Variants in NUB1 observed in about 807,000 individuals in gnomAD.
NUB1 encodes NEDD8 ultimate buster 1.
In NUB1, 41 loss-of-function variants were observed where a neutral mutation model predicts 77.1. That is an observed-to-expected ratio of 0.53 (90% CI 0.41 to 0.69). The LOEUF is 0.69. Ranked by LOEUF, NUB1 falls within the 30% of genes least tolerant of loss-of-function variation. NUB1 has a pLI of 0.00. For synonymous variants in NUB1, 257 were observed against 281.0 expected (o/e 0.91, Z 0.85); for missense variants, 643 against 743.8 (o/e 0.86, Z 1.58).
Position 151,377,770 on chromosome 7 carries a change from G to A in NUB1, c.*545G>A, listed in dbSNP as rs1446328870. 6.6e-6 allele frequency: 1 copy of A among 152,316 alleles called. No homozygotes were observed. Among genetic ancestry groups the A allele is most frequent in the Non-Finnish European group, 1.5e-5 (1 of 68,104 alleles). The allele number at this position is 152,316 out of a possible 1,614,324, so 9.4% of individuals were successfully genotyped here. A position where few individuals can be genotyped will look rare whatever the true frequency, so the allele number is the denominator to read the frequency against. On this transcript the variant is annotated 3_prime_UTR_variant, in exon 15 of 15. Transcript: ENST00000568733. ...CTGTGGGGCATAACGATGAGGCGCT[G>A]GCCTTGGGGGCCACACCAGGTCGCA...
At chr7:151,355,086 G>C (rs1484608097) in intron 5 of NUB1, among the ~76,000 whole-genome samples, 1 of 152,184 alleles carries the variant, frequency 6.6e-6, no homozygotes, top group Non-Finnish European at 1.5e-5. Context: ...ACAGCTTCTT[G>C]TTTGTAGCTG....
intron 2 of NUB1, among the ~76,000 whole-genome samples, chr7:151,348,426 T>C (rs1007761641): frequency 5.9e-5 from 9 of 151,960 alleles, no homozygotes; most frequent in Non-Finnish European, 1.0e-4. Flanking sequence ...AACAGTTCAT[T>C]ATACTTTTTA....
chr7:151,343,325 G>T (rs748404521), intron 1 of NUB1, among the ~76,000 whole-genome samples: 6 of 151,950 alleles, frequency 3.9e-5, no homozygotes. Context: ...TCTTGTCCCC[G>T]CACTGACATA....
intron 12 of NUB1, among the ~76,000 whole-genome samples, chr7:151,374,837 T>G (rs915197439): frequency 6.6e-6 from 1 of 152,074 alleles, no homozygotes; most frequent in African/African-American, 2.4e-5. Context: ...CCCTCTGCCC[T>G]CTCGGCCCCG....
intron 5 of NUB1, 51 bp from the exon 6 acceptor site, chr7:151,355,717 C>T: frequency 6.8e-7 from 1 of 1,469,690 alleles, no homozygotes; most frequent in South Asian, 1.3e-5. Flanking sequence ...GGACTGTTAC[C>T]TGGTAAGCTT....
chr7:151,368,495 C>A (rs981893043), intron 10 of NUB1, among the ~76,000 whole-genome samples: 2 of 152,226 alleles, frequency 1.3e-5, no homozygotes, highest in Non-Finnish European at 1.5e-5. Context: ...TTACCAGTCA[C>A]TTCTGCAACA....
intron 5 of NUB1, among the ~76,000 whole-genome samples, chr7:151,355,324 C>A: frequency 6.6e-6 from 1 of 152,194 alleles, no homozygotes; most frequent in East Asian, 1.9e-4. Context: ...GACATAGTTA[C>A]AACCAAATGT....
In NUB1 at chr7:151,376,756, G is replaced by A. The variant is rs1469161904; in HGVS notation, c.1614G>A (p.Pro538=). Residue 538 remains proline, a synonymous_variant, in exon 14 of 15, where the codon CCG becomes CCA. Coordinates refer to ENST00000568733, the MANE Select transcript of NUB1 (RefSeq NM_001243351.2). ...HNGGSLPPEL[P]LSPEDSLSPP... is the part of the protein sequence containing the mutation. The stretch of plus-strand genomic sequence containing the variant: ...GAGGAAGCCTGCCTCCCGAGCTGCC[G>A]CTGTCGCCAGAAGACTCTTTGTCCC... 6.9e-6 allele frequency: 11 copies of A among 1,595,710 alleles called. No individual in the cohort carries two copies. Among genetic ancestry groups the A allele is most frequent in the South Asian group, 4.5e-5 (4 of 88,558 alleles).
At chr7:151,372,011 A>C (rs1349232283) in intron 11 of NUB1, among the ~76,000 whole-genome samples, 1 of 152,210 alleles carries the variant, frequency 6.6e-6, no homozygotes, top group Non-Finnish European at 1.5e-5. Flanking sequence ...CCCAGCCTTT[A>C]ATACATAATT....
intron 11 of NUB1, among the ~76,000 whole-genome samples, chr7:151,372,738 G>A (rs1439629551): frequency 3.3e-5 from 5 of 152,128 alleles, no homozygotes; most frequent in Admixed American, 1.3e-4. Context: ...GAGCTGCTGC[G>A]GGCTTTCAGG....
Position 151,360,164 on chromosome 7 carries a change from T to A in NUB1, c.717T>A (p.Tyr239Ter). 3 of 1,598,944 alleles carry A rather than the reference T, an allele frequency of 1.9e-6. No individual in the cohort carries two copies. The highest frequency in any genetic ancestry group is 2.6e-6 in the Non-Finnish European group (3 of 1,166,454). The change falls in exon 8 of 15, where the codon TAT (tyrosine) becomes TAA (stop). Residue 239 changes from tyrosine to a stop codon, truncating the protein, a stop_gained. Coordinates refer to ENST00000568733, the MANE Select transcript of NUB1 (RefSeq NM_001243351.2). LOFTEE classifies it high-confidence loss of function. ...ERKALMLAMG[Y>*]HEKGRAFLKR... ...AGGCCCTTATGTTAGCTATGGGATA[T>A]CATGAGAAGGGCAGAGCTTTCCTGA...
chr7:151,361,155 A>G (rs1469423958), intron 8 of NUB1: 1 of 152,160 alleles, frequency 6.6e-6, no homozygotes, highest in African/African-American at 2.4e-5. Flanking sequence ...TGGAGGTACA[A>G]TTTGTATAGG....
intron 9 of NUB1, among the ~76,000 whole-genome samples, chr7:151,367,656 C>T (rs1044921972): frequency 5.5e-4 from 84 of 152,138 alleles, no homozygotes; most frequent in African/African-American, 1.9e-3. Context: ...CACTGACTCT[C>T]CTGTGTGGCA....
At chr7:151,354,235 T>C (rs1796953260) in intron 5 of NUB1, among the ~76,000 whole-genome samples, 1 of 152,080 alleles carries the variant, frequency 6.6e-6, no homozygotes, top group Admixed American at 6.6e-5. Flanking sequence ...GTTCCTATAT[T>C]TTCTGTTCTT....
Position 151,349,195 on chromosome 7 carries a change from G to C in NUB1, c.240G>C (p.Thr80=). 6.2e-7 allele frequency: 1 copy of C among 1,612,452 alleles called. No individual in the cohort carries two copies. Among genetic ancestry groups the C allele is most frequent in the African/African-American group, 1.3e-5 (1 of 74,908 alleles). ...CAGGAAATGACAATTATAGAACAAC[G>C]GGAATTGCTACAATCGAGGTGTTTT... ...RGTGNDNYRT[T]GIATIEVFLP... is the part of the protein sequence containing the mutation. Residue 80 remains threonine, a synonymous_variant, in exon 3 of 15, where the codon ACG becomes ACC. Transcript: ENST00000568733.
intron 13 of NUB1, 68 bp from the exon 14 acceptor site, chr7:151,376,566 G>A (rs903946555): frequency 3.5e-5 from 50 of 1,447,090 alleles, no homozygotes; most frequent in Non-Finnish European, 4.5e-5. Context: ...CTGTCCACTC[G>A]TATGGCTGAC....
chr7:151,372,987 A>G (rs1019488038), intron 11 of NUB1, among the ~76,000 whole-genome samples: 3 of 151,952 alleles, frequency 2.0e-5, no homozygotes, highest in Non-Finnish European at 2.9e-5. Context: ...TCCAGCAGCC[A>G]CTCTGTTCTG....
chr7:151,374,443 G>A, intron 12 of NUB1, 200 bp downstream of exon 12: 1 of 686,370 alleles, frequency 1.5e-6, no homozygotes, highest in African/African-American at 1.8e-5. Context: ...CTCAGTGCTT[G>A]GCCCAGGCCT....
intron 1 of NUB1, 50 bp from the exon 2 acceptor site, chr7:151,345,298 C>T (rs1796451584): frequency 8.3e-7 from 1 of 1,202,856 alleles, no homozygotes; most frequent in Non-Finnish European, 1.2e-6. Context: ...AAGTTATTAA[C>T]ATTTTAAAAT....
Sources: gnomAD v4.1 joint callset for allele counts (sites outside exome capture counted in the v4.1 genomes callset) on GRCh38, gnomAD v4.1.1 for gene constraint, MANE v1.5 for transcripts, NCBI Gene and HGNC (gene_info 2026-07-23, HGNC 2026-07-21) for gene names.